The following PPP1R9A variants were observed in gnomAD, a reference collection of about 807,000 sequenced individuals.
PPP1R9A encodes neurabin-1.
Under a neutral mutation model 141.9 loss-of-function variants are expected in PPP1R9A, and 59 were observed. That is an observed-to-expected ratio of 0.42 (90% CI 0.34 to 0.52). The LOEUF is 0.52. PPP1R9A is among the 20% of genes least tolerant of loss of function. The pLI is 0.10. For missense variants in PPP1R9A, 1,444 were observed against 1,611.9 expected (o/e 0.90, Z 1.78); for synonymous variants, 500 against 569.7 (o/e 0.88, Z 1.74).
At chr7:95,030,423 G>A (rs1378766649) in intron 2 of PPP1R9A, among the ~76,000 whole-genome samples, 2 of 152,106 alleles carry the variant, frequency 1.3e-5, no homozygotes, top group Admixed American at 6.5e-5. Context: ...ATTCCGTTAA[G>A]TTCCTCTGAG....
intron 4 of PPP1R9A, among the ~76,000 whole-genome samples, chr7:95,126,037 T>G (rs1178029639): frequency 6.6e-6 from 1 of 152,150 alleles, no homozygotes; most frequent in African/African-American, 2.4e-5. Flanking sequence ...GTGCACACAC[T>G]CTCATGTTAG....
intron 2 of PPP1R9A, among the ~76,000 whole-genome samples, chr7:95,070,675 T>C (rs1184027991): frequency 1.3e-5 from 2 of 149,980 alleles, no homozygotes; most frequent in Non-Finnish European, 3.0e-5. Flanking sequence ...TCAGAATTCA[T>C]GTACTTGTAA....
intron 2 of PPP1R9A, among the ~76,000 whole-genome samples, chr7:95,034,589 T>C (rs1490906900): frequency 2.6e-5 from 4 of 152,038 alleles, no homozygotes; most frequent in Non-Finnish European, 5.9e-5. Context: ...CTGACTTCAA[T>C]TGGTCTGCCA....
At chr7:94,955,432 CT>C (rs748214250) in intron 2 of PPP1R9A, among the ~76,000 whole-genome samples, 125 of 151,594 alleles carry the variant, frequency 8.2e-4, no homozygotes, top group African/African-American at 2.7e-3. Context: ...GATTCAGAAT[CT>C]TTTTTTTTCC....
chr7:95,015,227 T>TATATACAC (rs774273958), intron 2 of PPP1R9A, among the ~76,000 whole-genome samples: 32 of 148,994 alleles, frequency 2.1e-4, no homozygotes, highest in African/African-American at 7.8e-4. Flanking sequence ...AATATATATA[T>TATATACAC]ACACACACAC....
chr7:95,253,398 A>G (rs925642494), intron 12 of PPP1R9A, among the ~76,000 whole-genome samples: 1 of 152,224 alleles, frequency 6.6e-6, no homozygotes, highest in African/African-American at 2.4e-5. Context: ...TTAGCCATTA[A>G]AAATGGAAAG....
In PPP1R9A at chr7:95,086,191, A is replaced by G. The variant is rs1816607991; in HGVS notation, c.1396-25068A>G. On this transcript the variant is annotated intron_variant, in intron 2 of 19. Transcript: ENST00000433360. Reference sequence around the variant, plus strand: ...TCAATTGTTAACATCTTATGTTAGAATAGTTTTAAAATAGACTGTAGTACA... The same window carrying G: ...TCAATTGTTAACATCTTATGTTAGAGTAGTTTTAAAATAGACTGTAGTACA... 2.6e-5 allele frequency among the ~76,000 whole-genome samples: 4 copies of G among 152,124 alleles called. No individual in the cohort carries two copies. The South Asian group carries it at 8.3e-4, about 32-fold the overall frequency.
chr7:94,952,345 G>T (rs1043603907), intron 2 of PPP1R9A, among the ~76,000 whole-genome samples: 8 of 152,098 alleles, frequency 5.3e-5, no homozygotes, highest in Non-Finnish European at 1.2e-4. Context: ...TCTTTATCCA[G>T]TCTATCATTG....
rs113578337 is a variant in PPP1R9A, at chr7:95,282,999, T to C, written c.3297-1019T>C. Among the ~76,000 whole-genome samples the C allele has an allele frequency of 8.4e-3, 1,275 of 152,314 alleles. 9 individuals are homozygous for C. The highest frequency in any genetic ancestry group is 0.013 in the Non-Finnish European group (900 of 68,018). On this transcript the variant is annotated intron_variant, in intron 16 of 19. Transcript: ENST00000433360. ...TATACATGTGGTGGGACAGAAGTTGTCTGGCTGTGGTGTCCAGGCACTTTT... is the reference window on the plus strand; with the variant it reads ...TATACATGTGGTGGGACAGAAGTTGCCTGGCTGTGGTGTCCAGGCACTTTT...
At chr7:95,124,510 G>A (rs1278083608) in intron 4 of PPP1R9A, among the ~76,000 whole-genome samples, 1 of 151,970 alleles carries the variant, frequency 6.6e-6, no homozygotes, top group Non-Finnish European at 1.5e-5. Context: ...ATTTTGTAGA[G>A]AATATATACC....
At chr7:94,936,856 A>G (rs1794824927) in intron 2 of PPP1R9A, among the ~76,000 whole-genome samples, 1 of 152,082 alleles carries the variant, frequency 6.6e-6, no homozygotes, top group Admixed American at 6.6e-5. Context: ...TTGGGCAAGT[A>G]ATTTCTCTAG....
chr7:94,946,982 C>A (rs1041859592), intron 2 of PPP1R9A, among the ~76,000 whole-genome samples: 2 of 152,074 alleles, frequency 1.3e-5, no homozygotes, highest in Non-Finnish European at 2.9e-5. Flanking sequence ...ATTTTGCATT[C>A]TATTATTTGT....
chr7:95,042,272 G>A (rs577538309), intron 2 of PPP1R9A, among the ~76,000 whole-genome samples: 1 of 152,300 alleles, frequency 6.6e-6, no homozygotes, highest in East Asian at 1.9e-4. Flanking sequence ...TGATACTCAT[G>A]CATCATGTGC....
intron 4 of PPP1R9A, among the ~76,000 whole-genome samples, chr7:95,151,570 C>G (rs944040693): frequency 6.6e-6 from 1 of 151,868 alleles, no homozygotes; most frequent in African/African-American, 2.4e-5. Context: ...ATACATTTGT[C>G]AAAACCCGTA....
At chr7:95,187,699 G>T (rs756618051) in intron 5 of PPP1R9A, among the ~76,000 whole-genome samples, 45 of 152,162 alleles carry the variant, frequency 3.0e-4, no homozygotes, top group Middle Eastern at 3.4e-3. Context: ...TTAATATGTT[G>T]TGTCACTATT....
chr7:95,148,495 T>G (rs1185164538), intron 4 of PPP1R9A, among the ~76,000 whole-genome samples: 1 of 151,900 alleles, frequency 6.6e-6, no homozygotes, highest in Non-Finnish European at 1.5e-5. Context: ...CTGTCAAAAC[T>G]TTACAAGAAT....
chr7:95,105,387 T>C (rs1819366903), intron 2 of PPP1R9A, among the ~76,000 whole-genome samples: 1 of 152,266 alleles, frequency 6.6e-6, no homozygotes, highest in South Asian at 2.1e-4. Context: ...GTAAACTTGT[T>C]ACCCCTGAAA....
At chr7:95,167,727 A>G (rs1831478690) in intron 5 of PPP1R9A, among the ~76,000 whole-genome samples, 1 of 152,192 alleles carries the variant, frequency 6.6e-6, no homozygotes, top group Non-Finnish European at 1.5e-5. Flanking sequence ...AAATCAGCAT[A>G]CAGAAAATAA....
At chr7:95,067,834 A>T (rs1287084246) in intron 2 of PPP1R9A, among the ~76,000 whole-genome samples, 2 of 152,154 alleles carry the variant, frequency 1.3e-5, no homozygotes, top group Non-Finnish European at 2.9e-5. Context: ...ACTACTGGTC[A>T]GCTACAAATG....
Sources: allele counts gnomAD v4.1 joint callset (sites outside exome capture counted in the v4.1 genomes callset), GRCh38; gene constraint gnomAD v4.1.1; transcripts MANE v1.5; gene names NCBI Gene and HGNC (gene_info 2026-07-23, HGNC 2026-07-21).